CACNA2D3: variants seen among roughly 807,000 people sequenced by gnomAD.
CACNA2D3 encodes the protein calcium voltage-gated channel auxiliary subunit alpha2delta 3, also known as voltage-dependent calcium channel subunit alpha-2/delta-3.
A neutral mutation model predicts 160.6 loss-of-function variants in CACNA2D3; 60 were observed. That is an observed-to-expected ratio of 0.37 (90% CI 0.30 to 0.46). The LOEUF (loss-of-function observed/expected upper bound fraction) is 0.46. Among genes scored for constraint, CACNA2D3 ranks in the 20% least tolerant of loss-of-function variants. The pLI, the probability that CACNA2D3 is intolerant of heterozygous loss-of-function variation, is 1.00. For missense variants in CACNA2D3, 1,205 were observed against 1,365.0 expected (o/e 0.88, Z 1.85); for synonymous variants, 558 against 492.9 (o/e 1.13, Z -1.75).
intron 11 of CACNA2D3, among the ~76,000 whole-genome samples, chr3:54,746,020 G>A (rs1380078161): frequency 1.3e-5 from 2 of 152,120 alleles, no homozygotes; most frequent in Non-Finnish European, 2.9e-5. Context: ...TACCATGGTT[G>A]CCTTTCTCTT....
chr3:54,220,784 C>T (rs566290359), intron 2 of CACNA2D3, among the ~76,000 whole-genome samples: 65 of 152,338 alleles, frequency 4.3e-4, no homozygotes, highest in African/African-American at 1.5e-3. Flanking sequence ...GTCTTCTCTC[C>T]AGAGCCAGGG....
At chr3:54,583,137 A>G (rs1702705642) in intron 9 of CACNA2D3, among the ~76,000 whole-genome samples, 1 of 152,100 alleles carries the variant, frequency 6.6e-6, no homozygotes, top group African/African-American at 2.4e-5. Flanking sequence ...TCTCATCCCT[A>G]TTCCAATATT....
intron 11 of CACNA2D3, among the ~76,000 whole-genome samples, chr3:54,692,922 T>C (rs1233155412): frequency 6.6e-6 from 1 of 152,172 alleles, no homozygotes; most frequent in Non-Finnish European, 1.5e-5. Flanking sequence ...GCCATTTAGT[T>C]TTTGCTTCCA....
At chr3:54,814,288 A>G (rs1575491202) in intron 13 of CACNA2D3, among the ~76,000 whole-genome samples, 1 of 152,244 alleles carries the variant, frequency 6.6e-6, no homozygotes, top group African/African-American at 2.4e-5. Flanking sequence ...CCTAGCGGCC[A>G]TCCAAGACCT....
intron 11 of CACNA2D3, among the ~76,000 whole-genome samples, chr3:54,672,808 G>T (rs1341798506): frequency 1.3e-5 from 2 of 152,204 alleles, no homozygotes; most frequent in Admixed American, 6.5e-5. Context: ...GTGGTCGCAA[G>T]GATTAAAGGA....
intron 2 of CACNA2D3, among the ~76,000 whole-genome samples, chr3:54,213,889 C>T (rs9828664): frequency 0.086 from 13,055 of 152,202 alleles, 1,787 homozygotes; most frequent in African/African-American, 0.29. Context: ...CTCTTGAACA[C>T]CTTGCTGATA....
At chr3:54,687,144 T>TTTG (rs1700476942) in intron 11 of CACNA2D3, among the ~76,000 whole-genome samples, 3 of 74,496 alleles carry the variant, frequency 4.0e-5, no homozygotes, top group Non-Finnish European at 8.7e-5. Context: ...TGTTTTTTTT[T>TTTG]TTTTTTGTTT....
At chr3:54,418,605 C>T (rs1699793390) in intron 4 of CACNA2D3, among the ~76,000 whole-genome samples, 1 of 152,158 alleles carries the variant, frequency 6.6e-6, no homozygotes, top group Non-Finnish European at 1.5e-5. Context: ...TAGATATTCA[C>T]CTTTGAGGAA....
chr3:54,198,358 G>C (rs975550279), intron 2 of CACNA2D3, among the ~76,000 whole-genome samples: 1 of 152,282 alleles, frequency 6.6e-6, no homozygotes, highest in East Asian at 1.9e-4. Flanking sequence ...CTTCTTCTAG[G>C]AGCTACCTAG....
intron 35 of CACNA2D3, among the ~76,000 whole-genome samples, chr3:55,045,206 G>C (rs189190241): frequency 1.1e-4 from 17 of 152,112 alleles, no homozygotes; most frequent in Non-Finnish European, 2.4e-4. Context: ...CTGCCACCAT[G>C]ACTGGCTAAT....
intron 6 of CACNA2D3, among the ~76,000 whole-genome samples, chr3:54,569,245 A>C (rs1206971668): frequency 6.6e-6 from 1 of 152,248 alleles, no homozygotes; most frequent in Non-Finnish European, 1.5e-5. Context: ...CAGCATAATG[A>C]GAGCCATTTT....
chr3:54,462,644 C>T (rs1305415296), intron 4 of CACNA2D3, among the ~76,000 whole-genome samples: 1 of 152,126 alleles, frequency 6.6e-6, no homozygotes, highest in Non-Finnish European at 1.5e-5. Context: ...CTTCCTCCAT[C>T]CTTTTATTTT....
At chr3:54,241,268 C>T (rs1221240417) in intron 2 of CACNA2D3, among the ~76,000 whole-genome samples, 2 of 152,164 alleles carry the variant, frequency 1.3e-5, no homozygotes, top group Admixed American at 6.6e-5. Context: ...ATGATCATGA[C>T]TGGGGGCTCC....
At chr3:54,566,862 A>G (rs1177955749) in intron 6 of CACNA2D3, among the ~76,000 whole-genome samples, 1 of 152,178 alleles carries the variant, frequency 6.6e-6, no homozygotes, top group Admixed American at 6.5e-5. Flanking sequence ...CAGCTAAGTA[A>G]AGAGTTCTCC....
At chr3:54,950,510 T>C (rs72877954) in intron 27 of CACNA2D3, among the ~76,000 whole-genome samples, 208 of 152,312 alleles carry the variant, frequency 1.4e-3, no homozygotes, top group African/African-American at 4.8e-3. Context: ...ATTAAGATGC[T>C]TTGTGCAAGA....
At chr3:55,057,508 A>C (rs917577674) in intron 35 of CACNA2D3, among the ~76,000 whole-genome samples, 3 of 152,202 alleles carry the variant, frequency 2.0e-5, no homozygotes, top group African/African-American at 4.8e-5. Context: ...GAAGTCTGTT[A>C]ACAGCCTGGA....
intron 27 of CACNA2D3, among the ~76,000 whole-genome samples, chr3:54,959,484 C>T (rs918263565): frequency 3.3e-5 from 5 of 151,010 alleles, no homozygotes; most frequent in African/African-American, 1.2e-4. Flanking sequence ...AAACATCCAA[C>T]TCAGAGATGT....
chr3:54,224,862 T>C (rs950640029), intron 2 of CACNA2D3, among the ~76,000 whole-genome samples: 3 of 151,784 alleles, frequency 2.0e-5, no homozygotes, highest in Non-Finnish European at 2.9e-5. Flanking sequence ...CAAATTTCTA[T>C]GGTGGTACTA....
chr3:54,820,263 T>C (rs1703560231), intron 14 of CACNA2D3, among the ~76,000 whole-genome samples: 1 of 152,240 alleles, frequency 6.6e-6, no homozygotes, highest in Non-Finnish European at 1.5e-5. Context: ...AACATACTTA[T>C]TTAAATCTCT....
Sources: allele counts gnomAD v4.1 joint callset (sites outside exome capture counted in the v4.1 genomes callset), GRCh38; gene constraint gnomAD v4.1.1; transcripts MANE v1.5; gene names NCBI Gene and HGNC (gene_info 2026-07-23, HGNC 2026-07-21).